The following PALB2 variants were observed in gnomAD, a reference collection of about 807,000 sequenced individuals.
The protein encoded by PALB2 is mutant partner and localizer of BRCA2.
A neutral mutation model predicts 107.4 loss-of-function variants in PALB2; 82 were observed. The observed-to-expected ratio is 0.76, with a 90% CI of 0.64 to 0.92. The LOEUF is 0.92. Among genes scored for constraint, PALB2 ranks in the 40% least tolerant of loss-of-function variants. The pLI is 0.00. For missense variants in PALB2, 1,374 were observed against 1,379.9 expected, an observed-to-expected ratio of 1.00 and a Z score of 0.07; for synonymous variants, 489 against 496.8, an observed-to-expected ratio of 0.98 and a Z score of 0.21.
chr16:23,629,180 A>C, intron 6 of PALB2, 24 bp downstream of exon 6: 1 of 1,575,846 alleles, frequency 6.3e-7, no homozygotes, highest in South Asian at 1.1e-5. Context: ...GACACGAGAC[A>C]CTGGAAGAGA....
chr16:23,607,144 C>A (rs1329512117), intron 12 of PALB2, among the ~76,000 whole-genome samples: 1 of 152,132 alleles, frequency 6.6e-6, no homozygotes, highest in Non-Finnish European at 1.5e-5. Flanking sequence ...AAACTGCCTG[C>A]ATGATAGAGG....
chr16:23,634,253 G>A (rs1430149854), intron 4 of PALB2, among the ~76,000 whole-genome samples: 2 of 152,260 alleles, frequency 1.3e-5, no homozygotes, highest in East Asian at 3.9e-4. Context: ...TAATCTCCCT[G>A]TACTTTAGTT....
At chr16:23,640,840 A>G in intron 1 of PALB2, 3 of 400,326 alleles carry the variant, frequency 7.5e-6, no homozygotes, top group East Asian at 7.8e-5. Context: ...GGGAGGGGGG[A>G]GGAGCAAGGG....
intron 1 of PALB2, among the ~76,000 whole-genome samples, chr16:23,639,517 GAAA>G (rs1186283940): frequency 2.3e-5 from 1 of 43,750 alleles, no homozygotes. Context: ...GACTCTGCTT[GAAA>G]AAAAAAAAAA....
chr16:23,626,422 T>C lies in PALB2; in HGVS notation c.2587-25A>G, dbSNP rs772989395. On this transcript the variant is annotated intron_variant, in intron 6 of 12. Transcript: ENST00000261584. ...TCTGACACAATGGCAACAGTTCTGT[T>C]AAAGTGGCACTCGAGTGCTGTTTTA... The C allele has an allele frequency of 6.2e-6, 10 of 1,614,048 alleles. No homozygotes were observed. Among genetic ancestry groups the C allele is most frequent in the Non-Finnish European group, 8.5e-6 (10 of 1,179,920 alleles).
chr16:23,640,902 T>C, intron 1 of PALB2: 1 of 609,350 alleles, frequency 1.6e-6, no homozygotes, highest in Non-Finnish European at 3.0e-6. Flanking sequence ...AATGCGCTGC[T>C]ACTGTAATGA....
intron 12 of PALB2, among the ~76,000 whole-genome samples, chr16:23,606,960 C>G (rs1013748274): frequency 6.6e-6 from 1 of 151,272 alleles, no homozygotes; most frequent in Non-Finnish European, 1.5e-5. Context: ...ATTATAGGTG[C>G]CTGCCACCGT....
chr16:23,606,853 G>A (rs1437395719), intron 12 of PALB2, among the ~76,000 whole-genome samples: 2 of 121,810 alleles, frequency 1.6e-5, no homozygotes, highest in South Asian at 2.6e-4. Flanking sequence ...ACGGAGTCTC[G>A]CTCTGTCTCC....
chr16:23,637,263 C>T (rs1434835495), intron 3 of PALB2, among the ~76,000 whole-genome samples: 1 of 151,326 alleles, frequency 6.6e-6, no homozygotes, highest in South Asian at 2.1e-4. Context: ...AAAAACAAAA[C>T]AAAACAAAAA....
Position 23,610,970 on chromosome 16 carries a change from C to T in PALB2, c.3202-2958G>A, listed in dbSNP as rs1259077829. On this transcript the variant is annotated intron_variant, in intron 11 of 12. Coordinates refer to ENST00000261584, the MANE Select transcript of PALB2 (RefSeq NM_024675.4). ...CACAGAATTGCTTGAACCTGGCAGG[C>T]GGAGGTTGCAGTGAGCCGACATCAC... Among the ~76,000 whole-genome samples, 4 of 151,788 alleles carry T rather than the reference C, an allele frequency of 2.6e-5. No homozygotes were observed. In the East Asian group the frequency reaches 5.9e-4, roughly 22 times the overall value.
At position 23,634,957 on chromosome 16, in the gene PALB2, A is replaced by C; in HGVS notation, c.1589T>G (p.Leu530Arg). The C allele has an allele frequency of 3.1e-6, 5 of 1,614,154 alleles. No individual in the cohort carries two copies. Among genetic ancestry groups the C allele is most frequent in the Non-Finnish European group, 4.2e-6 (5 of 1,180,044 alleles). ...CTPASDHCEP[L>R]LPTSSLSIVN... The stretch of plus-strand genomic sequence containing the variant: ...AATCGACAGGCTAGAAGTTGGCAAA[A>C]GTGGTTCACAATGATCTGATGCTGG... The change falls in exon 4 of 13, where the codon CTT becomes CGT. Residue 530 changes from leucine (L) to arginine (R), a missense_variant. Transcript: ENST00000261584.
At chr16:23,638,343 C>T in intron 1 of PALB2, 1 of 612,080 alleles carries the variant, frequency 1.6e-6, no homozygotes, top group Non-Finnish European at 2.9e-6. Flanking sequence ...CTTCCTTTGC[C>T]AATTCCTACT....
rs193230232 is a variant in PALB2 at position 23,631,814 on chromosome 16, C to T, written c.1685-1345G>A. Among the ~76,000 whole-genome samples the T allele has an allele frequency of 1.6e-3, 249 of 152,188 alleles. 1 individual carries two copies. The highest frequency in any genetic ancestry group is 2.7e-3 in the Non-Finnish European group (184 of 68,004). ...TCTTCTCACTATGGAAAACTTAGTC[C>T]CCTTTTGAAGCAAAGAGTAATTTAC... On this transcript the variant is annotated intron_variant, in intron 4 of 12. Transcript: ENST00000261584.
At chr16:23,631,109 C>CAAA (rs58841030) in intron 4 of PALB2, among the ~76,000 whole-genome samples, 1 of 58,444 alleles carries the variant, frequency 1.7e-5, no homozygotes, top group Non-Finnish European at 3.6e-5. Context: ...ACTAAAAATA[C>CAAA]AAAAAAAAAA....
intron 10 of PALB2, among the ~76,000 whole-genome samples, chr16:23,619,596 C>T (rs1342365996): frequency 6.6e-6 from 1 of 151,950 alleles, no homozygotes; most frequent in African/African-American, 2.4e-5. Context: ...GGACTGTATC[C>T]TAGTTACAGT....
rs147128044 is a variant in PALB2, at chr16:23,612,464, C to T, written c.3201+1540G>A. Among the ~76,000 whole-genome samples, 389 of 151,976 alleles carry T rather than the reference C, an allele frequency of 2.6e-3. 2 individuals are homozygous for T. The highest frequency in any genetic ancestry group is 9.1e-3 in the African/African-American group (377 of 41,454). Reference sequence around the variant, plus strand: ...GAACTACTGACCTCACATGATACACCCACATCGGCCTCCCAAAGTGCTGGG... The same window carrying T: ...GAACTACTGACCTCACATGATACACTCACATCGGCCTCCCAAAGTGCTGGG... On this transcript the variant is annotated intron_variant, in intron 11 of 12. Coordinates refer to ENST00000261584, the MANE Select transcript of PALB2 (RefSeq NM_024675.4).
chr16:23,611,793 G>A (rs770006593), intron 11 of PALB2, among the ~76,000 whole-genome samples: 1 of 151,900 alleles, frequency 6.6e-6, no homozygotes, highest in Non-Finnish European at 1.5e-5. Flanking sequence ...TCACTCTATC[G>A]CCCAGGCTGG....
chr16:23,638,173 T>C, intron 1 of PALB2, 44 bp from the exon 2 acceptor site: 1 of 1,547,262 alleles, frequency 6.5e-7, no homozygotes, highest in Non-Finnish European at 8.9e-7. Flanking sequence ...AGTGGAAAGG[T>C]GGAGTCAGAG....
intron 3 of PALB2, among the ~76,000 whole-genome samples, chr16:23,636,591 G>A (rs548269717): frequency 1.8e-3 from 270 of 152,146 alleles, no homozygotes; most frequent in Middle Eastern, 3.4e-3. Context: ...GTATGTAAAG[G>A]AACTGTACAT....
Sources: gnomAD v4.1 joint callset for allele counts (sites outside exome capture counted in the v4.1 genomes callset) on GRCh38, gnomAD v4.1.1 for gene constraint, MANE v1.5 for transcripts, NCBI Gene and HGNC (gene_info 2026-07-23, HGNC 2026-07-21) for gene names.